Variants in RASGRF1 observed in about 807,000 individuals in gnomAD.
The protein encoded by RASGRF1 is ras-specific guanine nucleotide-releasing factor 1.
A neutral mutation model predicts 138.7 loss-of-function variants in RASGRF1; 40 were observed. The ratio of observed to expected loss-of-function variants is 0.29; its 90% CI spans 0.22 to 0.38. The LOEUF (loss-of-function observed/expected upper bound fraction) is 0.38, where lower values mean the gene tolerates loss of function less well. RASGRF1 is among the 10% of genes least tolerant of loss of function. RASGRF1 has a pLI of 1.00. For synonymous variants in RASGRF1, 614 were observed against 663.2 expected, an observed-to-expected ratio of 0.93 and a Z score of 1.14; for missense variants, 1,108 against 1,650.4, an observed-to-expected ratio of 0.67 and a Z score of 5.69.
intron 17 of RASGRF1, 86 bp from the exon 18 acceptor site, chr15:78,998,911 C>T: frequency 9.1e-7 from 1 of 1,097,548 alleles, no homozygotes; most frequent in Non-Finnish European, 1.4e-6. Flanking sequence ...CCTCTCGGAT[C>T]TGGCTGAGCT....
At chr15:79,015,469 AG>A (rs2056865440) in intron 12 of RASGRF1, 60 bp from the exon 13 acceptor site, 1 of 1,469,532 alleles carries the variant, frequency 6.8e-7, no homozygotes, top group Non-Finnish European at 9.5e-7. Flanking sequence ...CAGGCCCACC[AG>A]GAGCTCTGCC....
intron 24 of RASGRF1, among the ~76,000 whole-genome samples, chr15:78,974,258 C>T (rs2055829486): frequency 6.6e-6 from 1 of 152,198 alleles, no homozygotes; most frequent in African/African-American, 2.4e-5. Flanking sequence ...CCTTCTGGGG[C>T]CTCCTCCCCA....
intron 21 of RASGRF1, among the ~76,000 whole-genome samples, 200 bp downstream of exon 21, chr15:78,991,491 C>T (rs992742277): frequency 2.0e-5 from 3 of 152,038 alleles, no homozygotes; most frequent in African/African-American, 7.2e-5. Flanking sequence ...TGTGTGTGTG[C>T]AGCTGACAGG....
At chr15:78,998,961 TG>T (rs1182750972) in intron 17 of RASGRF1, 136 bp from the exon 18 acceptor site, 1 of 666,678 alleles carries the variant, frequency 1.5e-6, no homozygotes, top group Admixed American at 2.1e-5. Context: ...GATAACAACA[TG>T]TTTAACAACT....
chr15:79,049,632 CAGAGG>C, intron 3 of RASGRF1, 44 bp from the exon 4 acceptor site: 2 of 1,559,440 alleles, frequency 1.3e-6, no homozygotes, highest in Non-Finnish European at 1.7e-6. Flanking sequence ...CGCTGGCTCA[CAGAGG>C]CCCCAGGTCT....
chr15:78,971,292 C>A (rs944885344), intron 26 of RASGRF1, among the ~76,000 whole-genome samples: 2 of 152,090 alleles, frequency 1.3e-5, no homozygotes, highest in African/African-American at 4.8e-5. Context: ...AGAGGATTGG[C>A]TAAATAGATT....
At chr15:79,089,702 C>T (rs2058027999) in intron 1 of RASGRF1, among the ~76,000 whole-genome samples, 1 of 152,230 alleles carries the variant, frequency 6.6e-6, no homozygotes, top group Admixed American at 6.5e-5. Context: ...CTCCGAGGAG[C>T]TAGCGCAGAC....
chr15:78,995,289 T>C (rs1478951572), intron 20 of RASGRF1, among the ~76,000 whole-genome samples: 2 of 34,096 alleles, frequency 5.9e-5, no homozygotes, highest in African/African-American at 1.2e-4. Context: ...CTTTTTTCTT[T>C]CTTTTTTTTT....
chr15:79,002,937 C>T (rs547205666), intron 15 of RASGRF1, among the ~76,000 whole-genome samples: 2 of 152,362 alleles, frequency 1.3e-5, no homozygotes, highest in South Asian at 2.1e-4. Context: ...CACGTGGGTG[C>T]GTGCGTGTGT....
chr15:79,057,314 C>A (rs1170875504), intron 3 of RASGRF1, among the ~76,000 whole-genome samples: 1 of 152,246 alleles, frequency 6.6e-6, no homozygotes, highest in African/African-American at 2.4e-5. Flanking sequence ...CACTTCCTGG[C>A]AGTCAGGGCA....
chr15:79,077,826 GC>G (rs2057857459), intron 1 of RASGRF1, among the ~76,000 whole-genome samples: 1 of 127,322 alleles, frequency 7.9e-6, no homozygotes, highest in Admixed American at 1.0e-4. Flanking sequence ...TGATCTCCTT[GC>G]CCCCTCCAAT....
chr15:79,006,276 AGGAAG>A lies in RASGRF1; in HGVS notation c.1980_1984del (p.Phe661AlafsTer43). Reference sequence around the variant, plus strand: ...GGTGGTGAAGACGCGGTAGGAGTGCAGGAAGGTGTTGAGGAAGTCGATGCTCAGGA... The same window carrying A: ...GGTGGTGAAGACGCGGTAGGAGTGCAGTGTTGAGGAAGTCGATGCTCAGGA... On this transcript the variant is annotated frameshift_variant, in exon 14 of 27. Transcript: ENST00000558480. LOFTEE classifies it high-confidence loss of function. The surrounding 1 kb of genome is among the most constrained non-coding windows in gnomAD (Gnocchi z 4.0). 6.2e-7 allele frequency: 1 copy of A among 1,614,204 alleles called. No homozygotes were observed.
rs1257020239 is a variant in RASGRF1, at chr15:78,970,640, A to G, written c.3681+1226T>C. The stretch of plus-strand genomic sequence containing the variant: ...CTGTCTCAAAAAAAAAAAAAAAAAA[A>G]AAAAAGAAAAAGAAAAAGAAAAGAA... On this transcript the variant is annotated intron_variant, in intron 26 of 26. Coordinates refer to ENST00000558480, the MANE Select transcript of RASGRF1 (RefSeq NM_001145648.3). Among the ~76,000 whole-genome samples, 14 of 150,518 alleles carry G rather than the reference A, an allele frequency of 9.3e-5. No homozygotes were observed. In the South Asian group the frequency reaches 1.0e-3, roughly 11 times the overall value.
chr15:79,045,829 T>C (rs539034675), intron 5 of RASGRF1, among the ~76,000 whole-genome samples: 13 of 152,332 alleles, frequency 8.5e-5, no homozygotes, highest in Admixed American at 7.2e-4. Flanking sequence ...CAAATATTCA[T>C]GCAGAGGGCT....
At chr15:79,047,701 T>C (rs532230342) in intron 4 of RASGRF1, among the ~76,000 whole-genome samples, 1 of 152,262 alleles carries the variant, frequency 6.6e-6, no homozygotes, top group African/African-American at 2.4e-5. Context: ...AGTGGCCTCA[T>C]GTTGGCAAGA....
At chr15:79,054,302 G>C (rs2057479424) in intron 3 of RASGRF1, among the ~76,000 whole-genome samples, 1 of 152,196 alleles carries the variant, frequency 6.6e-6, no homozygotes, top group Admixed American at 6.5e-5. Context: ...AGGAAAGGCT[G>C]AGTGACATGA....
At chr15:79,003,598 C>CG (rs1033946861) in intron 15 of RASGRF1, among the ~76,000 whole-genome samples, 18 of 152,236 alleles carry the variant, frequency 1.2e-4, no homozygotes, top group Non-Finnish European at 2.4e-4. Context: ...TGCCTCCCCC[C>CG]GCAGCCTGGG....
At chr15:78,989,041 G>A (rs915152463) in intron 22 of RASGRF1, among the ~76,000 whole-genome samples, 5 of 152,258 alleles carry the variant, frequency 3.3e-5, no homozygotes, top group Non-Finnish European at 7.4e-5. Context: ...AAAGCTCAGT[G>A]CTAGGCACAA....
chr15:79,067,607 C>G (rs1330331888), intron 1 of RASGRF1, among the ~76,000 whole-genome samples: 4 of 152,172 alleles, frequency 2.6e-5, no homozygotes, highest in Non-Finnish European at 5.9e-5. Flanking sequence ...AAACCTGCCC[C>G]CTGACATCTG....
Sources: allele counts gnomAD v4.1 joint callset (sites outside exome capture counted in the v4.1 genomes callset), GRCh38; gene constraint gnomAD v4.1.1; non-coding constraint Gnocchi (gnomAD v3.1); transcripts MANE v1.5; gene names NCBI Gene and HGNC (gene_info 2026-07-23, HGNC 2026-07-21).